The following CMIP variants were observed in gnomAD, a reference collection of about 807,000 sequenced individuals.
The protein encoded by CMIP is c-Maf inducing protein.
In CMIP, 13 loss-of-function variants were observed where a neutral mutation model predicts 97.3. The ratio of observed to expected loss-of-function variants is 0.13; its 90% CI spans 0.09 to 0.21. The LOEUF (loss-of-function observed/expected upper bound fraction) is 0.21, where lower values mean the gene tolerates loss of function less well. CMIP is among the 10% of genes least tolerant of loss of function. CMIP has a pLI of 1.00. For missense variants in CMIP, 847 were observed against 1,024.9 expected (o/e 0.83, Z 2.37); for synonymous variants, 538 against 436.3 (o/e 1.23, Z -2.91).
Position 81,674,223 on chromosome 16 carries a change from G to A in CMIP, c.1034+2153G>A, listed in dbSNP as rs1296842989. ...AGATGGGAGGCTGCTCATTCCCAAG[G>A]GCATGTTCTGGAGCTGACAGCACGG... is the stretch of plus-strand genomic sequence containing the variant. On this transcript the variant is annotated intron_variant, in intron 9 of 20. Transcript: ENST00000537098. Among the ~76,000 whole-genome samples, 16 of 152,252 alleles carry A rather than the reference G, an allele frequency of 1.1e-4. No homozygotes were observed. In the East Asian group the frequency reaches 3.1e-3, roughly 29 times the overall value.
chr16:81,496,055 G>A (rs1402665545), intron 1 of CMIP, among the ~76,000 whole-genome samples: 2 of 152,194 alleles, frequency 1.3e-5, no homozygotes, highest in Non-Finnish European at 2.9e-5. Flanking sequence ...GGGACCGAGG[G>A]TGGGGCTTTG....
intron 1 of CMIP, among the ~76,000 whole-genome samples, chr16:81,521,874 T>C (rs1392493463): frequency 6.6e-6 from 1 of 152,218 alleles, no homozygotes; most frequent in Non-Finnish European, 1.5e-5. Context: ...CCTTGTCTTT[T>C]TGGTATCCTA....
intron 1 of CMIP, among the ~76,000 whole-genome samples, chr16:81,484,921 T>C (rs1253092095): frequency 6.6e-6 from 1 of 152,010 alleles, no homozygotes. Context: ...CTCCCTCCCC[T>C]CCTGCCTTCC....
At chr16:81,660,823 T>C in intron 5 of CMIP, 61 bp from the exon 6 acceptor site, 2 of 1,584,630 alleles carry the variant, frequency 1.3e-6, no homozygotes, top group Non-Finnish European at 1.7e-6. Flanking sequence ...CTGGAGATTG[T>C]TCGAAGTCTT....
chr16:81,697,625 T>C (rs1237076108), intron 14 of CMIP: 2 of 152,206 alleles, frequency 1.3e-5, no homozygotes, highest in African/African-American at 2.4e-5. Context: ...AGCGATCGCA[T>C]GCAACAGTAG....
In CMIP at chr16:81,668,496, C is replaced by T. The variant is rs550407661; in HGVS notation, c.826-1646C>T. On this transcript the variant is annotated intron_variant, in intron 7 of 20. Transcript: ENST00000537098. ...TCTCTGTGCCGTGGCCCCTGTCTTC[C>T]TGACACCTGGAAGAGGCCGAGCACG... Among the ~76,000 whole-genome samples the T allele has an allele frequency of 6.6e-5, 10 of 152,310 alleles. No homozygotes were observed. The South Asian group carries it at 1.0e-3, about 16-fold the overall frequency.
intron 1 of CMIP, among the ~76,000 whole-genome samples, chr16:81,470,255 C>T (rs548620510): frequency 2.9e-4 from 44 of 152,362 alleles, no homozygotes; most frequent in African/African-American, 1.0e-3. Context: ...CGCAGGGATG[C>T]TGGGAGAGAG....
chr16:81,467,280 G>A (rs143355769), intron 1 of CMIP, among the ~76,000 whole-genome samples: 1 of 152,182 alleles, frequency 6.6e-6, no homozygotes, highest in Non-Finnish European at 1.5e-5. Flanking sequence ...CAGATGAGGC[G>A]CTTGACAACC....
intron 14 of CMIP, 133 bp downstream of exon 14, chr16:81,696,800 A>AGGT (rs201681534): frequency 2.0e-4 from 149 of 749,306 alleles, no homozygotes; most frequent in South Asian, 3.7e-4. Context: ...CTGATCATGA[A>AGGT]GGTGGTGGTG....
intron 1 of CMIP, among the ~76,000 whole-genome samples, chr16:81,603,108 C>A (rs543904016): frequency 1.3e-5 from 2 of 152,174 alleles, no homozygotes; most frequent in Non-Finnish European, 2.9e-5. Context: ...GAGAAGGAGT[C>A]TTGCTCTGTT....
At position 81,667,328 on chromosome 16, in the gene CMIP, C is replaced by T. The variant is rs1229969024; in HGVS notation, c.826-2814C>T. The T allele has an allele frequency of 4.6e-5, 7 of 152,316 alleles. No individual in the cohort carries two copies. The South Asian group carries it at 1.4e-3, about 32-fold the overall frequency. 9.4% of individuals were successfully genotyped at this position (152,316 alleles called of 1,614,324 possible). On this transcript the variant is annotated intron_variant, in intron 7 of 20. Transcript: ENST00000537098. ...TGGAGATTCAGTCCAAATAATTCGC[C>T]AAACTGCGTTCTGAAGAATGACCAT...
intron 1 of CMIP, among the ~76,000 whole-genome samples, chr16:81,574,464 G>C (rs555559709): frequency 1.3e-5 from 2 of 152,382 alleles, no homozygotes; most frequent in Admixed American, 1.3e-4. Flanking sequence ...GCTGGGTACA[G>C]CCGTGCCCCA....
chr16:81,562,447 A>G (rs944264184), intron 1 of CMIP, among the ~76,000 whole-genome samples: 23 of 152,220 alleles, frequency 1.5e-4, no homozygotes, highest in African/African-American at 5.3e-4. Context: ...CCCTCAAGCA[A>G]ATCCATTTGG....
chr16:81,593,785 T>G (rs1202652220), intron 1 of CMIP, among the ~76,000 whole-genome samples: 1 of 152,098 alleles, frequency 6.6e-6, no homozygotes, highest in African/African-American at 2.4e-5. Flanking sequence ...CCTAGCACCC[T>G]CTTGAGGAGT....
intron 1 of CMIP, among the ~76,000 whole-genome samples, chr16:81,529,665 C>G (rs927325143): frequency 2.0e-5 from 3 of 152,112 alleles, no homozygotes; most frequent in Admixed American, 1.3e-4. Flanking sequence ...GGGTCCCTAC[C>G]AGGGACAGAG....
At position 81,691,913 on chromosome 16, in the gene CMIP, G is replaced by T. The variant is rs533082539; in HGVS notation, c.1454+73G>T. 2.4e-5 allele frequency: 31 copies of T among 1,307,352 alleles called. 1 individual carries two copies. Among genetic ancestry groups the T allele is most frequent in the African/African-American group, 1.6e-4 (11 of 68,998 alleles). The allele number at this position is 1,307,352 out of a possible 1,614,324, so 81.0% of individuals were successfully genotyped here. ...CTCAGTTGTCCACCAAGGCCTTAGT[G>T]GGGGGCCAGTCATGTTATGGGGAAG... On this transcript the variant is annotated intron_variant, in intron 11 of 20. Transcript: ENST00000537098.
chr16:81,452,591 T>C (rs1289344885), intron 1 of CMIP, among the ~76,000 whole-genome samples: 1 of 151,676 alleles, frequency 6.6e-6, no homozygotes. Context: ...GGGAAGCGGG[T>C]GATAGGACTT....
At chr16:81,567,500 C>T (rs766912709) in intron 1 of CMIP, among the ~76,000 whole-genome samples, 1 of 152,224 alleles carries the variant, frequency 6.6e-6, no homozygotes, top group African/African-American at 2.4e-5. Flanking sequence ...TTGGGAATTC[C>T]CTTGCTGCAC....
chr16:81,481,783 T>C (rs1211884225), intron 1 of CMIP, among the ~76,000 whole-genome samples: 1 of 152,138 alleles, frequency 6.6e-6, no homozygotes, highest in African/African-American at 2.4e-5. Flanking sequence ...TTTTCCATTA[T>C]CTAGAGGCTG....
Sources: gnomAD v4.1 joint callset for allele counts (sites outside exome capture counted in the v4.1 genomes callset) on GRCh38, gnomAD v4.1.1 for gene constraint, MANE v1.5 for transcripts, NCBI Gene and HGNC (gene_info 2026-07-23, HGNC 2026-07-21) for gene names.